The following SLC36A3 variants were observed in gnomAD, a reference collection of about 807,000 sequenced individuals.
SLC36A3 encodes solute carrier family 36 member 3.
A neutral mutation model predicts 44.3 loss-of-function variants in SLC36A3; 35 were observed. The observed-to-expected ratio is 0.79, with a 90% CI of 0.60 to 1.05. The LOEUF is 1.05. Ranked by LOEUF, SLC36A3 falls within the 50% of genes least tolerant of loss-of-function variation. SLC36A3 has a pLI of 0.00. For missense variants in SLC36A3, 540 were observed against 578.7 expected, an observed-to-expected ratio of 0.93 and a Z score of 0.69; for synonymous variants, 211 against 227.6, an observed-to-expected ratio of 0.93 and a Z score of 0.66.
chr5:151,299,274 A>C lies in SLC36A3; in HGVS notation c.129-591T>G, dbSNP rs1035012288. Among the ~76,000 whole-genome samples, 1,192 of 128,242 alleles carry C rather than the reference A, an allele frequency of 9.3e-3. 17 individuals carry two copies. The highest frequency in any genetic ancestry group is 0.033 in the African/African-American group (1,094 of 33,240). The allele number at this position is 128,242 out of a possible 152,430, so 84.1% of individuals were successfully genotyped here. ...TCTCTCTCTCTCTCTCTATATATAT[A>C]TATATATATATATATATGAAATGAG... On this transcript the variant is annotated intron_variant, in intron 1 of 9. Transcript: ENST00000335230.
chr5:151,282,218 C>A (rs1178728559), intron 8 of SLC36A3, among the ~76,000 whole-genome samples: 1 of 139,864 alleles, frequency 7.1e-6, no homozygotes, highest in Non-Finnish European at 1.5e-5. Flanking sequence ...GGCTGAGAAG[C>A]GATGCAACGG....
Position 151,277,215 on chromosome 5 carries a change from A to T in SLC36A3, c.*178T>A. On this transcript the variant is annotated 3_prime_UTR_variant, in exon 10 of 10. Coordinates refer to ENST00000335230, the MANE Select transcript of SLC36A3 (RefSeq NM_181774.4). ...GCCATCCAAAAAATATAAAACCAAA[A>T]GAGGTGTAGCCTGAGAGACATCAGT... is the stretch of plus-strand genomic sequence containing the variant. 1.2e-6 allele frequency: 1 copy of T among 825,628 alleles called. No homozygotes were observed. Among genetic ancestry groups the T allele is most frequent in the Non-Finnish European group, 1.8e-6 (1 of 549,084 alleles). The allele number at this position is 825,628 out of a possible 1,614,324, so 51.1% of individuals were successfully genotyped here.
chr5:151,290,746 T>G (rs1035243347), intron 4 of SLC36A3, among the ~76,000 whole-genome samples: 7 of 151,958 alleles, frequency 4.6e-5, no homozygotes, highest in Non-Finnish European at 8.8e-5. Context: ...ATACAAAAAA[T>G]TAGCCGGGCA....
chr5:151,286,750 T>A (rs10078345), intron 6 of SLC36A3, among the ~76,000 whole-genome samples: 15,902 of 152,214 alleles, frequency 0.1, 1,561 homozygotes, highest in African/African-American at 0.27. Context: ...CAAAATAGTA[T>A]TGCGAAGGTT....
At chr5:151,303,139 A>G in intron 1 of SLC36A3, 88 bp downstream of exon 1, 9 of 1,469,570 alleles carry the variant, frequency 6.1e-6, no homozygotes, top group Non-Finnish European at 8.3e-6. Context: ...TAAGCGTGTT[A>G]AGGAGATAGA....
intron 4 of SLC36A3, 56 bp from the exon 5 acceptor site, chr5:151,288,526 C>T (rs1754632218): frequency 1.6e-6 from 2 of 1,237,394 alleles, no homozygotes; most frequent in Non-Finnish European, 2.3e-6. Context: ...AAAATTATTT[C>T]TTAAGAATGT....
chr5:151,301,729 T>A (rs1561642165), intron 1 of SLC36A3, among the ~76,000 whole-genome samples: 13 of 136,972 alleles, frequency 9.5e-5, no homozygotes, highest in Admixed American at 1.5e-4. Context: ...AGACTCCGTC[T>A]AAAAAAAAAA....
chr5:151,289,019 C>T (rs1453825427), intron 4 of SLC36A3: 5 of 151,706 alleles, frequency 3.3e-5, no homozygotes, highest in African/African-American at 7.4e-5. Context: ...GAGATCTTGC[C>T]ACTGCACTCC....
At chr5:151,283,559 A>C (rs1015898489) in intron 8 of SLC36A3, among the ~76,000 whole-genome samples, 1 of 152,224 alleles carries the variant, frequency 6.6e-6, no homozygotes, top group African/African-American at 2.4e-5. Context: ...TCATCTAGTC[A>C]TTATCATAAC....
Position 151,296,180 on chromosome 5 carries a change from C to T in SLC36A3, c.308G>A (p.Arg103Lys), listed in dbSNP as rs764197825. The change falls in exon 3 of 10, where the codon AGA (arginine) becomes AAA (lysine). Residue 103 changes from arginine to lysine, a missense_variant and splice_region_variant. Arg to Lys is a conservative substitution (Grantham distance 26, BLOSUM62 2). Coordinates refer to ENST00000335230, the MANE Select transcript of SLC36A3 (RefSeq NM_181774.4). Reference sequence around the variant, plus strand: ...AATGAGAGAGAAGCAGGCCTCTGACCTCTGGCTGAGGTGTTGAGCACAGTT... The same window carrying T: ...AATGAGAGAGAAGCAGGCCTCTGACTTCTGGCTGAGGTGTTGAGCACAGTT... ...LLNCAQHLSQ[R>K]LQKTFVNYGE... The T allele has an allele frequency of 3.1e-6, 5 of 1,613,964 alleles. No individual in the cohort carries two copies. The African/African-American group carries it at 4.0e-5, about 13-fold the overall frequency.
rs1332506573 is a variant in SLC36A3, at chr5:151,298,686, G to C, written c.129-3C>G. ...AGTGGATCAAAGTTTGCATCATCCT[G>C]TGGTGGGGAGAGTAGGGAGACAGAG... is the stretch of plus-strand genomic sequence containing the variant. On this transcript the variant is annotated splice_region_variant and splice_polypyrimidine_tract_variant and intron_variant, in intron 1 of 9. Transcript: ENST00000335230. 1.9e-6 allele frequency: 3 copies of C among 1,613,886 alleles called. No homozygotes were observed. Among genetic ancestry groups the C allele is most frequent in the East Asian group, 4.5e-5 (2 of 44,886 alleles).
chr5:151,295,303 T>C (rs1183379676), intron 3 of SLC36A3, among the ~76,000 whole-genome samples: 1 of 152,332 alleles, frequency 6.6e-6, no homozygotes, highest in South Asian at 2.1e-4. Context: ...GTGCCTATCA[T>C]AGACTTACTG....
At chr5:151,297,484 T>A (rs764518011) in intron 2 of SLC36A3, 5 of 152,136 alleles carry the variant, frequency 3.3e-5, no homozygotes, top group Non-Finnish European at 7.3e-5. Context: ...GGCCTGGAGA[T>A]AAGAAAAGAT....
rs1023478818 is a variant in SLC36A3 at position 151,276,877 on chromosome 5, A to G, written c.*516T>C. 1 of 157,298 alleles carries G rather than the reference A, an allele frequency of 6.4e-6. No individual in the cohort carries two copies. Among genetic ancestry groups the G allele is most frequent in the Non-Finnish European group, 1.4e-5 (1 of 70,818 alleles). The allele number at this position is 157,298 out of a possible 1,614,324, so 9.7% of individuals were successfully genotyped here. A position where few individuals can be genotyped will look rare whatever the true frequency, so the allele number is the denominator to read the frequency against. On this transcript the variant is annotated 3_prime_UTR_variant, in exon 10 of 10. Transcript: ENST00000335230. Reference sequence around the variant, plus strand: ...TTCATAGACTGAGAGATGGGGAGGAACTTGCCTGAGGGCCAGTAGGAAATC... The same window carrying G: ...TTCATAGACTGAGAGATGGGGAGGAGCTTGCCTGAGGGCCAGTAGGAAATC...
chr5:151,282,449 T>C (rs1754362693), intron 8 of SLC36A3, among the ~76,000 whole-genome samples: 1 of 152,220 alleles, frequency 6.6e-6, no homozygotes, highest in Non-Finnish European at 1.5e-5. Context: ...ATTATAGGCA[T>C]GAGCCACCAC....
intron 4 of SLC36A3, among the ~76,000 whole-genome samples, chr5:151,293,151 GA>G (rs1466758534): frequency 1.3e-5 from 2 of 152,030 alleles, no homozygotes; most frequent in African/African-American, 4.8e-5. Flanking sequence ...TACATGTAGA[GA>G]AAAAAAGTCT....
At position 151,300,262 on chromosome 5, in the gene SLC36A3, G is replaced by A. The variant is rs141544023; in HGVS notation, c.129-1579C>T. 7.1e-3 allele frequency among the ~76,000 whole-genome samples: 1,075 copies of A among 152,316 alleles called. 9 individuals carry two copies. The highest frequency in any genetic ancestry group is 0.012 in the Non-Finnish European group (794 of 68,026). On this transcript the variant is annotated intron_variant, in intron 1 of 9. Coordinates refer to ENST00000335230, the MANE Select transcript of SLC36A3 (RefSeq NM_181774.4). ...GAGAGTCATGGCAAGGGGCTAGGAA[G>A]AAGCTGTAACCAACCAGGTCTTTGC...
At chr5:151,284,004 A>C (rs1347147) in intron 8 of SLC36A3, 40 bp downstream of exon 8, 640,868 of 1,567,992 alleles carry the variant, frequency 0.41, 138,210 homozygotes, top group African/African-American at 0.72. Context: ...GAACAGTTCC[A>C]GTGTCTCTCC....
At chr5:151,298,411 C>A in intron 2 of SLC36A3, 182 bp downstream of exon 2, 1 of 594,910 alleles carries the variant, frequency 1.7e-6, no homozygotes, top group Admixed American at 3.0e-5. Flanking sequence ...ATGGTGTGCC[C>A]CCTTCAGGGA....
Sources: allele counts gnomAD v4.1 joint callset (sites outside exome capture counted in the v4.1 genomes callset), GRCh38; gene constraint gnomAD v4.1.1; transcripts MANE v1.5; gene names NCBI Gene and HGNC (gene_info 2026-07-23, HGNC 2026-07-21).